Variants in CRTC1 observed in about 807,000 individuals in gnomAD.
The protein encoded by CRTC1 is CREB regulated transcription coactivator 1, also known as CREB-regulated transcription coactivator 1.
A neutral mutation model predicts 66.1 loss-of-function variants in CRTC1; 18 were observed. That is an observed-to-expected ratio of 0.27 (90% CI 0.19 to 0.40). CRTC1 has a LOEUF of 0.40. CRTC1 is among the 10% of genes least tolerant of loss of function. The pLI is 1.00. For missense variants in CRTC1, 669 were observed against 887.9 expected, an observed-to-expected ratio of 0.75 and a Z score of 3.13; for synonymous variants, 416 against 398.8, an observed-to-expected ratio of 1.04 and a Z score of -0.51.
In CRTC1 at chr19:18,777,467, G is replaced by C; in HGVS notation, c.*85G>C. 1 of 1,271,348 alleles carries C rather than the reference G, an allele frequency of 7.9e-7. No individual in the cohort carries two copies. The highest frequency in any genetic ancestry group is 1.1e-6 in the Non-Finnish European group (1 of 885,366). The allele number at this position is 1,271,348 out of a possible 1,614,324, so 78.8% of individuals were successfully genotyped here. A position where few individuals can be genotyped will look rare whatever the true frequency, so the allele number is the denominator to read the frequency against. ...CGGCCGTGCTCCGTCCCTCGCCAACGGCCGAGCTTGTGATTCTGAGCTTGC... is the reference window on the plus strand; with the variant it reads ...CGGCCGTGCTCCGTCCCTCGCCAACCGCCGAGCTTGTGATTCTGAGCTTGC... On this transcript the variant is annotated 3_prime_UTR_variant, in exon 14 of 14. Transcript: ENST00000321949. This position sits in a 1 kb window ranked among gnomAD's most constrained non-coding sequence, Gnocchi z 5.5.
chr19:18,752,875 C>T (rs975835087), intron 5 of CRTC1, among the ~76,000 whole-genome samples: 3 of 151,100 alleles, frequency 2.0e-5, no homozygotes, highest in African/African-American at 7.3e-5. Flanking sequence ...TAACCTCGGG[C>T]GATCTGCCCA....
At chr19:18,728,815 C>CT (rs35465891) in intron 1 of CRTC1, among the ~76,000 whole-genome samples, 1,315 of 79,356 alleles carry the variant, frequency 0.017, 123 homozygotes, top group African/African-American at 0.024. Context: ...CTCACCTGGC[C>CT]TTTTTTTTTT....
At chr19:18,744,089 C>T (rs200526787) in intron 2 of CRTC1, 81 of 1,612,836 alleles carry the variant, frequency 5.0e-5, no homozygotes, top group African/African-American at 2.5e-4. Flanking sequence ...CTCAAAGTCT[C>T]GGTTCTTTGC....
chr19:18,772,992 G>A (rs1294139048), intron 11 of CRTC1, among the ~76,000 whole-genome samples: 1 of 152,152 alleles, frequency 6.6e-6, no homozygotes, highest in Non-Finnish European at 1.5e-5. Context: ...ATTAGGAGTC[G>A]AGCCAGTTTC....
At chr19:18,698,076 G>C (rs2053035371) in intron 1 of CRTC1, among the ~76,000 whole-genome samples, 1 of 152,142 alleles carries the variant, frequency 6.6e-6, no homozygotes, top group African/African-American at 2.4e-5. Context: ...GTACTCAGCA[G>C]GTGCTCGGCA....
chr19:18,737,661 T>G (rs1428831749), intron 1 of CRTC1, among the ~76,000 whole-genome samples: 1 of 152,000 alleles, frequency 6.6e-6, no homozygotes, highest in East Asian at 1.9e-4. Flanking sequence ...GAGCCACGCA[T>G]GTCTACTCAT....
chr19:18,706,128 C>G (rs946495869), intron 1 of CRTC1, among the ~76,000 whole-genome samples: 1 of 135,794 alleles, frequency 7.4e-6, no homozygotes, highest in Non-Finnish European at 1.5e-5. Flanking sequence ...TTGAAAATCA[C>G]TTGACCATAT....
intron 1 of CRTC1, among the ~76,000 whole-genome samples, chr19:18,715,570 A>G (rs1445533379): frequency 1.3e-5 from 2 of 152,186 alleles, no homozygotes; most frequent in African/African-American, 4.8e-5. Flanking sequence ...CACAACAGAA[A>G]GTAAGTACTG....
chr19:18,705,531 C>A (rs2053242648), intron 1 of CRTC1, among the ~76,000 whole-genome samples: 1 of 152,152 alleles, frequency 6.6e-6, no homozygotes, highest in Admixed American at 6.5e-5. Flanking sequence ...GTTCGCCAGG[C>A]TGGTCTCGAA....
intron 9 of CRTC1, among the ~76,000 whole-genome samples, chr19:18,767,656 C>A (rs1244063581): frequency 6.6e-6 from 1 of 152,208 alleles, no homozygotes; most frequent in East Asian, 1.9e-4. Context: ...TTATTCAGAT[C>A]AAGATCCAGA....
Position 18,768,735 on chromosome 19 carries a change from TC to T in CRTC1, c.1267del (p.Gln423SerfsTer88). The T allele has an allele frequency of 6.3e-7, 1 of 1,597,526 alleles. No homozygotes were observed. Among genetic ancestry groups the T allele is most frequent in the East Asian group, 2.3e-5 (1 of 43,902 alleles). ...CTTGCAGTCACGGTACCGTCCTCTC[TC>T]CCCCAGTCCCCCCCAGAGAACCCTG... ...PPLAVTVPSS[L>X]PQSPPENPGQ... On this transcript the variant is annotated frameshift_variant, in exon 10 of 14. Coordinates refer to ENST00000321949, the MANE Select transcript of CRTC1 (RefSeq NM_015321.3). LOFTEE classifies it high-confidence loss of function. This position sits in a 1 kb window ranked among gnomAD's most constrained non-coding sequence, Gnocchi z 5.6.
At chr19:18,686,632 G>A (rs2052690182) in intron 1 of CRTC1, among the ~76,000 whole-genome samples, 1 of 152,230 alleles carries the variant, frequency 6.6e-6, no homozygotes, top group Admixed American at 6.5e-5. Context: ...TGGCAACAGA[G>A]TGAGACTCCA....
At chr19:18,711,747 A>T (rs1458402302) in intron 1 of CRTC1, among the ~76,000 whole-genome samples, 2 of 152,084 alleles carry the variant, frequency 1.3e-5, no homozygotes, top group Non-Finnish European at 2.9e-5. Context: ...AAGAAGCTTG[A>T]TGCCAAGGGT....
rs60907638 is a variant in CRTC1 at position 18,727,580 on chromosome 19, C to CAAA, written c.127-15315_127-15313dup. On this transcript the variant is annotated intron_variant, in intron 1 of 13. Coordinates refer to ENST00000321949, the MANE Select transcript of CRTC1 (RefSeq NM_015321.3). Reference sequence around the variant, plus strand: ...TGGGTGACAGAGCAAGACTCTGTCTCAAAAAAAAAAAAAAAAAGAAGAAGA... The same window carrying CAAA: ...TGGGTGACAGAGCAAGACTCTGTCTCAAAAAAAAAAAAAAAAAAAAGAAGAAGA... Among the ~76,000 whole-genome samples the CAAA allele has an allele frequency of 2.7e-4, 14 of 51,798 alleles. 1 individual carries two copies. The highest frequency in any genetic ancestry group is 3.4e-4 in the Non-Finnish European group (10 of 29,726). The allele number at this position is 51,798 out of a possible 152,430, so 34.0% of individuals were successfully genotyped here. A position where few individuals can be genotyped will look rare whatever the true frequency, so the allele number is the denominator to read the frequency against.
chr19:18,743,236 G>A (rs997532835), intron 2 of CRTC1, among the ~76,000 whole-genome samples: 4 of 152,250 alleles, frequency 2.6e-5, no homozygotes, highest in Admixed American at 6.5e-5. Context: ...AGCAGACCCC[G>A]AGGCGAGCCC....
chr19:18,744,129 G>T, intron 2 of CRTC1: 3 of 1,612,570 alleles, frequency 1.9e-6, no homozygotes, highest in South Asian at 2.2e-5. Flanking sequence ...TCTGGGGGAG[G>T]CCCTGGCAGC....
intron 1 of CRTC1, among the ~76,000 whole-genome samples, chr19:18,740,862 A>G (rs1182028247): frequency 6.6e-6 from 1 of 152,070 alleles, no homozygotes; most frequent in Non-Finnish European, 1.5e-5. Context: ...AAAAAAAAAA[A>G]TTAGCCAGGC....
chr19:18,782,293 C>T lies in CRTC1; in HGVS notation c.*4911C>T. The T allele has an allele frequency of 4.6e-6, 1 of 219,660 alleles. No homozygotes were observed. The allele number at this position is 219,660 out of a possible 1,614,324, so 13.6% of individuals were successfully genotyped here. On this transcript the variant is annotated 3_prime_UTR_variant, in exon 14 of 14. Transcript: ENST00000321949. ...TGCTTTTGTCTTTGTACCTTTGCAT[C>T]CTTTGTAATGAAACGTAATAAAAAT...
At chr19:18,767,205 A>G (rs1340655062) in intron 9 of CRTC1, among the ~76,000 whole-genome samples, 1 of 151,812 alleles carries the variant, frequency 6.6e-6, no homozygotes, top group Non-Finnish European at 1.5e-5. Flanking sequence ...ATTTTAATTT[A>G]ATTTTTTTTT....
Sources: allele counts gnomAD v4.1 joint callset (sites outside exome capture counted in the v4.1 genomes callset), GRCh38; gene constraint gnomAD v4.1.1; non-coding constraint Gnocchi (gnomAD v3.1); transcripts MANE v1.5; gene names NCBI Gene and HGNC (gene_info 2026-07-23, HGNC 2026-07-21).